Variants in PCLO observed in about 807,000 individuals in gnomAD.
PCLO encodes the protein piccolo presynaptic cytomatrix protein.
A neutral mutation model predicts 427.5 loss-of-function variants in PCLO; 82 were observed. The observed-to-expected ratio is 0.19, with a 90% CI of 0.16 to 0.23. The LOEUF (loss-of-function observed/expected upper bound fraction) is 0.23. Among genes scored for constraint, PCLO ranks in the 10% least tolerant of loss-of-function variants. PCLO has a pLI of 1.00. For synonymous variants in PCLO, 2,357 were observed against 2,155.4 expected (o/e 1.09, Z -2.59); for missense variants, 6,239 against 6,115.9 (o/e 1.02, Z -0.67).
chr7:82,840,427 C>A (rs373329313), intron 14 of PCLO, among the ~76,000 whole-genome samples: 2 of 152,126 alleles, frequency 1.3e-5, no homozygotes. Flanking sequence ...AGGTCACTGC[C>A]ATATGAATTT....
At chr7:82,766,864 GA>G (rs139442110) in intron 22 of PCLO, among the ~76,000 whole-genome samples, 3,650 of 152,138 alleles carry the variant, frequency 0.024, 165 homozygotes, top group African/African-American at 0.084. Flanking sequence ...TGATACTTGT[GA>G]AATTTTTTTT....
At chr7:82,780,001 C>T (rs183315727) in intron 22 of PCLO, among the ~76,000 whole-genome samples, 4 of 152,152 alleles carry the variant, frequency 2.6e-5, no homozygotes, top group Non-Finnish European at 5.9e-5. Context: ...TGTTAGTTAT[C>T]AACAGTTGTT....
chr7:82,992,241 A>G (rs1796394633), intron 3 of PCLO, among the ~76,000 whole-genome samples: 1 of 152,084 alleles, frequency 6.6e-6, no homozygotes, highest in African/African-American at 2.4e-5. Context: ...AGACTACTAC[A>G]AAGAAAGATG....
chr7:82,905,381 G>A (rs1794162121), intron 8 of PCLO, among the ~76,000 whole-genome samples: 1 of 151,978 alleles, frequency 6.6e-6, no homozygotes, highest in African/African-American at 2.4e-5. Flanking sequence ...AACATACTGT[G>A]TATTCATACA....
chr7:83,116,287 T>C (rs1412631906), intron 3 of PCLO, among the ~76,000 whole-genome samples: 2 of 152,134 alleles, frequency 1.3e-5, no homozygotes, highest in African/African-American at 4.8e-5. Context: ...TTAAAAATCA[T>C]ACTAACATTT....
chr7:83,101,899 C>CT (rs1490504139), intron 3 of PCLO, among the ~76,000 whole-genome samples: 2 of 151,886 alleles, frequency 1.3e-5, no homozygotes, highest in South Asian at 2.1e-4. Flanking sequence ...TAAACCCACA[C>CT]TTTTTTTTCT....
intron 9 of PCLO, among the ~76,000 whole-genome samples, chr7:82,892,299 C>T (rs908614742): frequency 1.3e-5 from 2 of 152,082 alleles, no homozygotes; most frequent in African/African-American, 2.4e-5. Context: ...TGATCTTTGA[C>T]AAACCTGACA....
chr7:83,013,231 C>T (rs1029740269), intron 3 of PCLO, among the ~76,000 whole-genome samples: 1 of 152,004 alleles, frequency 6.6e-6, no homozygotes, highest in African/African-American at 2.4e-5. Flanking sequence ...AAACTGATAA[C>T]AATACACCAT....
intron 3 of PCLO, among the ~76,000 whole-genome samples, chr7:83,031,339 T>C (rs1304218249): frequency 6.6e-6 from 1 of 152,176 alleles, no homozygotes; most frequent in Non-Finnish European, 1.5e-5. Flanking sequence ...GTTCTGAGCA[T>C]GGAAATGTAT....
rs201013392 is a variant in PCLO, at chr7:82,949,867, T to C, written c.10721A>G (p.Asp3574Gly). 2.7e-4 allele frequency: 439 copies of C among 1,613,678 alleles called. 1 individual carries two copies. Among genetic ancestry groups the C allele is most frequent in the Non-Finnish European group, 3.5e-4 (412 of 1,179,860 alleles). The change falls in exon 6 of 25, where the codon GAC becomes GGC. Residue 3574 changes from aspartate (D) to glycine (G), a missense_variant. This residue lies in a region of PCLO where 4,677 missense variants were observed against 4,468.4 expected (regional missense o/e 1.05). Coordinates refer to ENST00000333891, the MANE Select transcript of PCLO (RefSeq NM_033026.6). Reference protein sequence around the residue: ...SLGCQTEADSDTQSPQYLSAT... With the variant: ...SLGCQTEADSGTQSPQYLSAT... Reference sequence around the variant, plus strand: ...ACTCAGATATTGAGGACTTTGTGTGTCTGAATCTGCTTCTGTTTGACATCC... The same window carrying C: ...ACTCAGATATTGAGGACTTTGTGTGCCTGAATCTGCTTCTGTTTGACATCC...
intron 3 of PCLO, among the ~76,000 whole-genome samples, chr7:83,044,130 TG>T (rs34130097): frequency 0.14 from 21,581 of 151,900 alleles, 1,745 homozygotes; most frequent in African/African-American, 0.2. Context: ...CCTTATGTGG[TG>T]GCAGGGGAGA....
At chr7:82,926,974 A>G (rs1019801255) in intron 6 of PCLO, among the ~76,000 whole-genome samples, 1 of 152,134 alleles carries the variant, frequency 6.6e-6, no homozygotes, top group Non-Finnish European at 1.5e-5. Flanking sequence ...GGAACAAAAT[A>G]TATCCTGTTC....
chr7:83,075,404 T>C (rs1001608293), intron 3 of PCLO, among the ~76,000 whole-genome samples: 4 of 152,136 alleles, frequency 2.6e-5, no homozygotes, highest in African/African-American at 9.7e-5. Context: ...CTTAGATGAG[T>C]TGGTCTTTTG....
intron 3 of PCLO, among the ~76,000 whole-genome samples, chr7:83,013,364 GC>G (rs1334073077): frequency 6.6e-6 from 1 of 152,094 alleles, no homozygotes; most frequent in East Asian, 1.9e-4. Context: ...AATTATATAT[GC>G]CTTCTCGTAT....
At chr7:83,015,881 T>G (rs906782560) in intron 3 of PCLO, among the ~76,000 whole-genome samples, 4 of 152,194 alleles carry the variant, frequency 2.6e-5, no homozygotes, top group African/African-American at 7.2e-5. Flanking sequence ...ATATGTTTTT[T>G]GCATAGTCAA....
rs1446831430 is a variant in PCLO at position 82,916,306 on chromosome 7, C to T, written c.11680G>A (p.Ala3894Thr). The T allele has an allele frequency of 1.9e-6, 3 of 1,613,394 alleles. No individual in the cohort carries two copies. Among genetic ancestry groups the T allele is most frequent in the African/African-American group, 2.7e-5 (2 of 74,838 alleles). The change falls in exon 7 of 25, where the codon GCT becomes ACT. Residue 3894 changes from alanine to threonine, a missense_variant. Around this residue, in one of 5 missense-constraint regions of PCLO, gnomAD observed 680 missense variants for 677.3 expected, o/e 1.00. Coordinates refer to ENST00000333891, the MANE Select transcript of PCLO (RefSeq NM_033026.6). The stretch of plus-strand genomic sequence containing the variant: ...GAGGTGGGTGCTTGGGTAGGAAGAG[C>T]AGGGGAAGAGTACTGGTATTGTGTG... ...PYTQYQYSSP[A>T]LPTQAPTSYT...
At chr7:82,853,308 A>G (rs1425372799) in intron 10 of PCLO, among the ~76,000 whole-genome samples, 5 of 152,086 alleles carry the variant, frequency 3.3e-5, no homozygotes, top group Admixed American at 3.3e-4. Context: ...TCTGCCTTCT[A>G]GCCTCCTCAC....
At chr7:82,871,632 A>C (rs548003645) in intron 10 of PCLO, among the ~76,000 whole-genome samples, 7 of 152,120 alleles carry the variant, frequency 4.6e-5, no homozygotes, top group Admixed American at 4.6e-4. Context: ...AGAAATAATA[A>C]ACATTTGAGG....
At chr7:83,117,075 A>G (rs1422702014) in intron 3 of PCLO, among the ~76,000 whole-genome samples, 1 of 152,222 alleles carries the variant, frequency 6.6e-6, no homozygotes, top group Non-Finnish European at 1.5e-5. Context: ...CATTACATTA[A>G]AGATGAAATT....
Sources: allele counts gnomAD v4.1 joint callset (sites outside exome capture counted in the v4.1 genomes callset), GRCh38; gene constraint gnomAD v4.1.1; regional missense constraint gnomAD v4.1.1; transcripts MANE v1.5; gene names NCBI Gene and HGNC (gene_info 2026-07-23, HGNC 2026-07-21).